KIAA1671: variants seen among roughly 807,000 people sequenced by gnomAD.
KIAA1671 encodes the protein KIAA1671.
Under a neutral mutation model 131.2 loss-of-function variants are expected in KIAA1671, and 52 were observed. That is an observed-to-expected ratio of 0.40 (90% CI 0.32 to 0.50). The LOEUF (loss-of-function observed/expected upper bound fraction) is 0.50. KIAA1671 is among the 20% of genes least tolerant of loss of function. The pLI, the probability that KIAA1671 is intolerant of heterozygous loss-of-function variation, is 0.73. For missense variants in KIAA1671, 2,360 were observed against 2,364.2 expected, an observed-to-expected ratio of 1.00 and a Z score of 0.04; for synonymous variants, 1,003 against 961.6, an observed-to-expected ratio of 1.04 and a Z score of -0.80.
chr22:25,003,028 C>T (rs1924558222), intron 1 of KIAA1671, among the ~76,000 whole-genome samples: 1 of 152,200 alleles, frequency 6.6e-6, no homozygotes, highest in Admixed American at 6.5e-5. Flanking sequence ...CCGCCTCGGC[C>T]TCCCAAAGTG....
intron 1 of KIAA1671, among the ~76,000 whole-genome samples, chr22:24,999,949 A>G (rs1351138465): frequency 4.0e-5 from 6 of 151,824 alleles, no homozygotes; most frequent in Admixed American, 2.0e-4. Context: ...CAGTGGTGTG[A>G]TCTCAGTTCA....
intron 6 of KIAA1671, 170 bp downstream of exon 6, chr22:25,049,534 T>G: frequency 1.4e-6 from 1 of 706,944 alleles, no homozygotes; most frequent in Non-Finnish European, 2.2e-6. Flanking sequence ...GTTGTGGTTC[T>G]TGATGTGGAG....
At chr22:25,005,602 C>T (rs1924708341) in intron 1 of KIAA1671, among the ~76,000 whole-genome samples, 1 of 152,178 alleles carries the variant, frequency 6.6e-6, no homozygotes, top group Non-Finnish European at 1.5e-5. Context: ...CCTTCATTAA[C>T]CCAAGACCTC....
intron 1 of KIAA1671, among the ~76,000 whole-genome samples, chr22:24,960,214 A>G (rs969949721): frequency 2.6e-5 from 4 of 151,990 alleles, no homozygotes; most frequent in Non-Finnish European, 5.9e-5. Context: ...AGATTTAGGT[A>G]CTTTCCCATT....
intron 6 of KIAA1671, among the ~76,000 whole-genome samples, chr22:25,104,623 G>A (rs1395537408): frequency 1.3e-5 from 2 of 152,080 alleles, no homozygotes; most frequent in African/African-American, 4.8e-5. Context: ...TCTTTAATAA[G>A]TGATCATTTC....
chr22:25,124,118 A>G (rs1932069798), intron 6 of KIAA1671, among the ~76,000 whole-genome samples: 1 of 152,178 alleles, frequency 6.6e-6, no homozygotes, highest in Non-Finnish European at 1.5e-5. Context: ...GCTTTTGAGC[A>G]GCTCACCCTT....
chr22:24,971,646 T>C (rs1402909969), intron 1 of KIAA1671, among the ~76,000 whole-genome samples: 4 of 152,148 alleles, frequency 2.6e-5, no homozygotes, highest in African/African-American at 9.7e-5. Flanking sequence ...ACATTCCCAG[T>C]GTCTCTCAAA....
chr22:25,112,586 T>A (rs543940063), intron 6 of KIAA1671: 3 of 394,146 alleles, frequency 7.6e-6, no homozygotes, highest in Non-Finnish European at 1.3e-5. Context: ...TAGTTGTCAG[T>A]CAAAGCCCAG....
intron 6 of KIAA1671, among the ~76,000 whole-genome samples, chr22:25,142,864 A>T (rs1165464450): frequency 6.6e-6 from 1 of 152,304 alleles, no homozygotes; most frequent in East Asian, 1.9e-4. Flanking sequence ...CCATCTCAAA[A>T]AAATAAATAA....
chr22:25,090,587 A>C (rs775097770), intron 6 of KIAA1671, among the ~76,000 whole-genome samples: 12 of 152,258 alleles, frequency 7.9e-5, no homozygotes, highest in Non-Finnish European at 1.0e-4. Context: ...TGTCGAGAGA[A>C]ACAGCCAGGG....
intron 6 of KIAA1671, among the ~76,000 whole-genome samples, chr22:25,167,824 G>C (rs1933697243): frequency 1.3e-5 from 2 of 152,178 alleles, no homozygotes; most frequent in Non-Finnish European, 2.9e-5. Flanking sequence ...TGGGGTACAT[G>C]AGTATCTCTA....
rs12329967 is a variant in KIAA1671, at chr22:25,170,954, C to T, written c.4649+16C>T. On this transcript the variant is annotated intron_variant, in intron 7 of 12. Coordinates refer to ENST00000358431, the MANE Select transcript of KIAA1671 (RefSeq NM_001145206.2). ...GTGGGGAGAGGTAGGACGCGTGCGA[C>T]GGGATTCTGGCTGCAAAGGGGGCAG... 0.014 allele frequency: 21,798 copies of T among 1,548,786 alleles called. 2,519 individuals are homozygous for T. The African/African-American group carries it at 0.26, about 18-fold the overall frequency.
chr22:25,148,010 C>T (rs5760879), intron 6 of KIAA1671, among the ~76,000 whole-genome samples: 15,286 of 121,976 alleles, frequency 0.13, 876 homozygotes, highest in East Asian at 0.19. Flanking sequence ...CTCACTCTCT[C>T]CCTTTCTTTC....
chr22:25,116,018 C>T (rs544147852), intron 6 of KIAA1671, among the ~76,000 whole-genome samples: 39 of 152,228 alleles, frequency 2.6e-4, no homozygotes, highest in African/African-American at 8.2e-4. Flanking sequence ...TCAAGTGATC[C>T]ACCCGCTTCA....
At chr22:25,082,940 A>C (rs1490910700) in intron 6 of KIAA1671, among the ~76,000 whole-genome samples, 2 of 152,260 alleles carry the variant, frequency 1.3e-5, no homozygotes, top group African/African-American at 2.4e-5. Context: ...CATATCAAAC[A>C]TTTATATTAA....
intron 6 of KIAA1671, among the ~76,000 whole-genome samples, chr22:25,068,460 A>G (rs1481817685): frequency 6.6e-6 from 1 of 151,332 alleles, no homozygotes; most frequent in African/African-American, 2.4e-5. Context: ...TTTTTGAGAC[A>G]GAGCCTCACT....
At chr22:25,068,538 G>A (rs971752208) in intron 6 of KIAA1671, among the ~76,000 whole-genome samples, 2 of 152,070 alleles carry the variant, frequency 1.3e-5, no homozygotes, top group African/African-American at 2.4e-5. Flanking sequence ...CCGGGTTCAC[G>A]CCATTCTCCT....
chr22:25,011,980 G>A (rs1925066533), intron 1 of KIAA1671: 1 of 152,116 alleles, frequency 6.6e-6, no homozygotes, highest in Admixed American at 6.6e-5. Context: ...CTCCCTAGAA[G>A]TCTTTCCCAT....
intron 4 of KIAA1671, among the ~76,000 whole-genome samples, chr22:25,037,495 A>G (rs1231136845): frequency 6.6e-6 from 1 of 152,068 alleles, no homozygotes; most frequent in Non-Finnish European, 1.5e-5. Flanking sequence ...CATCATCTAC[A>G]GTAGGGGTTA....
Sources: gnomAD v4.1 joint callset for allele counts (sites outside exome capture counted in the v4.1 genomes callset) on GRCh38, gnomAD v4.1.1 for gene constraint, MANE v1.5 for transcripts, NCBI Gene and HGNC (gene_info 2026-07-23, HGNC 2026-07-21) for gene names.